CREB5: variants seen among roughly 807,000 people sequenced by gnomAD.
The protein encoded by CREB5 is cAMP responsive element binding protein 5.
A neutral mutation model predicts 57.1 loss-of-function variants in CREB5; 19 were observed. The ratio of observed to expected loss-of-function variants is 0.33; its 90% CI spans 0.23 to 0.49. CREB5 has a LOEUF of 0.49. Among genes scored for constraint, CREB5 ranks in the 20% least tolerant of loss-of-function variants. CREB5 has a pLI of 0.99. For missense variants in CREB5, 579 were observed against 671.6 expected (o/e 0.86, Z 1.52); for synonymous variants, 238 against 238.3 (o/e 1.00, Z 0.01).
upstream of CREB5, among the ~76,000 whole-genome samples, chr7:28,411,040 G>A (rs1787772731): frequency 6.6e-6 from 1 of 152,172 alleles, no homozygotes; most frequent in Non-Finnish European, 1.5e-5. Context: ...AGCTTCTGGG[G>A]TCTGAGGGGA....
chr7:28,480,066 T>A (rs1791260276), intron 1 of CREB5, among the ~76,000 whole-genome samples: 1 of 150,942 alleles, frequency 6.6e-6, no homozygotes. Context: ...TCTGCATGTG[T>A]GAAAAGAAAA....
chr7:28,328,886 G>A (rs1207941225), intron 1 of CREB5, among the ~76,000 whole-genome samples: 1 of 152,174 alleles, frequency 6.6e-6, no homozygotes, highest in Non-Finnish European at 1.5e-5. Context: ...GGCTGTCACT[G>A]TATACACTAT....
intron 1 of CREB5, among the ~76,000 whole-genome samples, chr7:28,311,345 T>G (rs1017249049): frequency 6.6e-6 from 1 of 152,062 alleles, no homozygotes; most frequent in Admixed American, 6.6e-5. Context: ...GGACCTATTT[T>G]CAAAGAACTG....
intron 1 of CREB5, among the ~76,000 whole-genome samples, chr7:28,472,247 C>A (rs929918735): frequency 1.3e-5 from 2 of 151,300 alleles, no homozygotes; most frequent in African/African-American, 4.9e-5. Context: ...GAATAAGTGT[C>A]TTCTGATAGG....
chr7:28,660,277 G>A (rs907204077), intron 5 of CREB5, among the ~76,000 whole-genome samples: 3 of 151,822 alleles, frequency 2.0e-5, no homozygotes, highest in Non-Finnish European at 2.9e-5. Flanking sequence ...TCAGCACCAC[G>A]TGTTCTTAGA....
intron 5 of CREB5, among the ~76,000 whole-genome samples, chr7:28,574,404 ACT>A (rs1795826227): frequency 6.6e-6 from 1 of 152,028 alleles, no homozygotes; most frequent in Non-Finnish European, 1.5e-5. Context: ...AAGTTAACAC[ACT>A]CTCTCTGTCT....
At chr7:28,344,744 A>T (rs1786006985) in intron 1 of CREB5, among the ~76,000 whole-genome samples, 1 of 152,184 alleles carries the variant, frequency 6.6e-6, no homozygotes, top group Non-Finnish European at 1.5e-5. Flanking sequence ...GACAAGATCC[A>T]ATTGTATGCT....
At chr7:28,624,770 T>C (rs1314393241) in intron 5 of CREB5, among the ~76,000 whole-genome samples, 1 of 151,988 alleles carries the variant, frequency 6.6e-6, no homozygotes. Context: ...ATTGTAACTC[T>C]TCCCTATAAA....
At chr7:28,819,027 G>A in intron 10 of CREB5, 89 bp from the exon 11 acceptor site, 1 of 1,392,184 alleles carries the variant, frequency 7.2e-7, no homozygotes, top group East Asian at 2.3e-5. Context: ...ATCTAGTACA[G>A]TTTCTCTGAG....
chr7:28,588,434 G>A (rs1796378872), intron 5 of CREB5, among the ~76,000 whole-genome samples: 1 of 152,108 alleles, frequency 6.6e-6, no homozygotes, highest in Admixed American at 6.5e-5. Flanking sequence ...TAGTACGGAG[G>A]AACTATATTG....
chr7:28,725,202 G>A (rs544659039), intron 7 of CREB5, among the ~76,000 whole-genome samples: 5 of 152,320 alleles, frequency 3.3e-5, no homozygotes, highest in African/African-American at 7.2e-5. Context: ...CAGCATTAGA[G>A]ACTGTATCTG....
intron 1 of CREB5, among the ~76,000 whole-genome samples, chr7:28,348,142 C>T (rs1444125397): frequency 1.3e-5 from 2 of 152,090 alleles, no homozygotes; most frequent in Admixed American, 6.5e-5. Context: ...CCAGAGGTTT[C>T]GTGTGCACAG....
intron 5 of CREB5, among the ~76,000 whole-genome samples, chr7:28,635,753 A>T (rs766455175): frequency 6.6e-6 from 1 of 152,124 alleles, no homozygotes; most frequent in Non-Finnish European, 1.5e-5. Flanking sequence ...TGACCTTTTC[A>T]TTCATTTACT....
intron 5 of CREB5, among the ~76,000 whole-genome samples, chr7:28,585,960 T>C (rs546556248): frequency 3.3e-5 from 5 of 152,330 alleles, no homozygotes; most frequent in African/African-American, 1.2e-4. Context: ...AGGGCCCCTT[T>C]GGCTGCATAA....
chr7:28,605,347 A>C (rs1364402910), intron 5 of CREB5, among the ~76,000 whole-genome samples: 1 of 152,202 alleles, frequency 6.6e-6, no homozygotes, highest in African/African-American at 2.4e-5. Context: ...ATTTTGCCTG[A>C]ATCCATCTAG....
intron 1 of CREB5, among the ~76,000 whole-genome samples, 175 bp downstream of exon 1, chr7:28,413,092 A>ATGTGTGTGTGTGTGTG (rs10599936): frequency 1.3e-3 from 185 of 147,320 alleles, no homozygotes; most frequent in Admixed American, 2.0e-3. Context: ...ATGTGGAAGG[A>ATGTGTGTGTGTGTGTG]TGTGTGTGTG....
intron 3 of CREB5, among the ~76,000 whole-genome samples, chr7:28,501,081 T>A (rs2128603071): frequency 6.6e-6 from 1 of 152,232 alleles, no homozygotes; most frequent in Middle Eastern, 3.4e-3. Context: ...TTTTTTCATA[T>A]GAGGAAATAA....
intron 2 of CREB5, among the ~76,000 whole-genome samples, chr7:28,493,675 T>G (rs1346884692): frequency 6.6e-6 from 1 of 152,166 alleles, no homozygotes; most frequent in African/African-American, 2.4e-5. Context: ...TGGGCAGAAC[T>G]AGTCACATGG....
intron 5 of CREB5, among the ~76,000 whole-genome samples, chr7:28,709,163 T>A (rs1802276706): frequency 6.6e-6 from 1 of 152,200 alleles, no homozygotes; most frequent in Non-Finnish European, 1.5e-5. Context: ...TTATGAATAA[T>A]TGATGGAACT....
Sources: allele counts gnomAD v4.1 joint callset (sites outside exome capture counted in the v4.1 genomes callset), GRCh38; gene constraint gnomAD v4.1.1; transcripts MANE v1.5; gene names NCBI Gene and HGNC (gene_info 2026-07-23, HGNC 2026-07-21).